KCNN2: variants seen among roughly 807,000 people sequenced by gnomAD.
KCNN2 encodes small conductance calcium-activated potassium channel protein 2.
A neutral mutation model predicts 55.5 loss-of-function variants in KCNN2; 24 were observed. The ratio of observed to expected loss-of-function variants is 0.43; its 90% CI spans 0.31 to 0.61. KCNN2 has a LOEUF of 0.61. KCNN2 is among the 20% of genes least tolerant of loss of function. The pLI, the probability that KCNN2 is intolerant of heterozygous loss-of-function variation, is 0.08. For synonymous variants in KCNN2, 431 were observed against 336.1 expected, an observed-to-expected ratio of 1.28 and a Z score of -3.09; for missense variants, 754 against 853.6, an observed-to-expected ratio of 0.88 and a Z score of 1.45.
At position 114,162,793 on chromosome 5, in the gene KCNN2, C is replaced by G. The variant is rs185568923; in HGVS notation, c.-270-58687C>G. ...AGTGAGGCTCTTTGGGCACAGGACCCTCCGAGCCAGGTGTGGGATATAATC... is the reference window on the plus strand; with the variant it reads ...AGTGAGGCTCTTTGGGCACAGGACCGTCCGAGCCAGGTGTGGGATATAATC... On this transcript the variant is annotated intron_variant, in intron 1 of 10. Coordinates refer to the KCNN2 transcript ENST00000512097. Among the ~76,000 whole-genome samples the G allele has an allele frequency of 5.0e-3, 764 of 152,284 alleles. 9 individuals carry two copies. The highest frequency in any genetic ancestry group is 0.018 in the African/African-American group (746 of 41,564).
intron 1 of KCNN2, among the ~76,000 whole-genome samples, chr5:114,214,346 G>A (rs1273648769): frequency 1.3e-5 from 2 of 151,872 alleles, no homozygotes; most frequent in East Asian, 3.9e-4. Context: ...GTGGGCTATC[G>A]TTTGTCCACC....
At chr5:114,382,650 T>C (rs1334715411) in intron 2 of KCNN2, among the ~76,000 whole-genome samples, 1 of 152,214 alleles carries the variant, frequency 6.6e-6, no homozygotes, top group Non-Finnish European at 1.5e-5. Flanking sequence ...ACAATACTAC[T>C]TTTCCTTTTA....
At chr5:114,219,261 G>A (rs1754077251) in intron 1 of KCNN2, among the ~76,000 whole-genome samples, 1 of 152,204 alleles carries the variant, frequency 6.6e-6, no homozygotes, top group South Asian at 2.1e-4. Flanking sequence ...GCCTTTTTGT[G>A]TGAGGTGGCT....
In KCNN2 at chr5:114,170,331, G is replaced by T. The variant is rs568583944; in HGVS notation, c.-270-51149G>T. Among the ~76,000 whole-genome samples, 11 of 152,170 alleles carry T rather than the reference G, an allele frequency of 7.2e-5. No individual in the cohort carries two copies. The South Asian group carries it at 2.3e-3, about 32-fold the overall frequency. The stretch of plus-strand genomic sequence containing the variant: ...TTTAAGGATTTGCTAAGAAGCTGTT[G>T]TGCATAAATAAGATCCTATATGGGT... On this transcript the variant is annotated intron_variant, in intron 1 of 10. Transcript: ENST00000512097.
chr5:114,250,047 C>T (rs1207788355), intron 2 of KCNN2, among the ~76,000 whole-genome samples: 1 of 152,032 alleles, frequency 6.6e-6, no homozygotes, highest in Non-Finnish European at 1.5e-5. Flanking sequence ...GCTATATAAA[C>T]AAAGTTAAGG....
intron 1 of KCNN2, among the ~76,000 whole-genome samples, chr5:114,104,725 C>T (rs137887378): frequency 2.0e-5 from 3 of 151,798 alleles, no homozygotes; most frequent in Non-Finnish European, 4.4e-5. Flanking sequence ...ATGAGAGGGC[C>T]GCCTACCTCA....
intron 1 of KCNN2, among the ~76,000 whole-genome samples, chr5:114,212,361 G>A (rs1264163475): frequency 6.6e-6 from 1 of 151,958 alleles, no homozygotes; most frequent in Non-Finnish European, 1.5e-5. Context: ...TAGAGATAAA[G>A]TAAATTAGTG....
chr5:114,196,545 G>A (rs1026369680), intron 1 of KCNN2, among the ~76,000 whole-genome samples: 1 of 151,904 alleles, frequency 6.6e-6, no homozygotes, highest in African/African-American at 2.4e-5. Flanking sequence ...TTTTTGGCTT[G>A]TTGAGATTTT....
At chr5:114,404,290 A>C (rs1758871246) in intron 2 of KCNN2, 148 bp from the exon 3 acceptor site, 1 of 627,168 alleles carries the variant, frequency 1.6e-6, no homozygotes, top group Non-Finnish European at 2.8e-6. Context: ...TTTACTAAAA[A>C]TAGTATACCT....
At chr5:114,455,594 A>G (rs1599176) in intron 3 of KCNN2, among the ~76,000 whole-genome samples, 124,695 of 152,162 alleles carry the variant, frequency 0.82, 51,269 homozygotes, top group East Asian at 0.92. Context: ...TCAATCAAAA[A>G]CTAGACATGA....
At chr5:114,469,183 T>G (rs552158412) in intron 4 of KCNN2, among the ~76,000 whole-genome samples, 1 of 152,330 alleles carries the variant, frequency 6.6e-6, no homozygotes, top group East Asian at 1.9e-4. Context: ...TAATCTGGCT[T>G]GGCTTAGGGT....
chr5:114,129,911 C>T (rs1752036544), intron 1 of KCNN2, among the ~76,000 whole-genome samples: 1 of 152,200 alleles, frequency 6.6e-6, no homozygotes, highest in African/African-American at 2.4e-5. Context: ...CCAAACACAT[C>T]AAGCCCAAAA....
chr5:114,330,426 C>T (rs559561391), intron 2 of KCNN2, among the ~76,000 whole-genome samples: 1 of 152,334 alleles, frequency 6.6e-6, no homozygotes, highest in African/African-American at 2.4e-5. Flanking sequence ...TATTACATTT[C>T]TGAAAGTTAG....
intron 1 of KCNN2, among the ~76,000 whole-genome samples, chr5:114,068,436 A>G (rs1016551192): frequency 6.6e-6 from 1 of 152,160 alleles, no homozygotes; most frequent in Non-Finnish European, 1.5e-5. Flanking sequence ...TTTATTCACT[A>G]TTTCAGATCA....
intron 1 of KCNN2, among the ~76,000 whole-genome samples, chr5:114,111,042 C>T (rs764415982): frequency 5.9e-5 from 9 of 151,978 alleles, no homozygotes; most frequent in East Asian, 1.9e-4. Context: ...AGCAAAAAGA[C>T]CAAATCTGGA....
chr5:114,408,471 G>A (rs1329408572), intron 3 of KCNN2, among the ~76,000 whole-genome samples: 1 of 151,984 alleles, frequency 6.6e-6, no homozygotes, highest in African/African-American at 2.4e-5. Context: ...TCTTTTTAAG[G>A]AAAGGTAGAC....
At chr5:114,115,690 A>G (rs1442182221) in intron 1 of KCNN2, among the ~76,000 whole-genome samples, 1 of 151,276 alleles carries the variant, frequency 6.6e-6, no homozygotes, top group Non-Finnish European at 1.5e-5. Context: ...CCACTGAGGG[A>G]AAAAAAAAGG....
chr5:114,198,097 A>T (rs1406653323), intron 1 of KCNN2, among the ~76,000 whole-genome samples: 1 of 151,750 alleles, frequency 6.6e-6, no homozygotes, highest in Non-Finnish European at 1.5e-5. Flanking sequence ...AATACTATGA[A>T]TTTTTTTAAA....
chr5:114,353,349 C>T (rs1469274017), intron 2 of KCNN2, among the ~76,000 whole-genome samples: 2 of 151,754 alleles, frequency 1.3e-5, no homozygotes, highest in African/African-American at 2.4e-5. Flanking sequence ...GGTGTCATTT[C>T]TGTACTTCGA....
Sources: gnomAD v4.1 joint callset for allele counts (sites outside exome capture counted in the v4.1 genomes callset) on GRCh38, gnomAD v4.1.1 for gene constraint, MANE v1.5 for transcripts, NCBI Gene and HGNC (gene_info 2026-07-23, HGNC 2026-07-21) for gene names.